Variants in RAD51B observed in about 807,000 individuals in gnomAD.
RAD51B encodes the protein RAD51 paralog B, also known as DNA repair protein RAD51 homolog 2.
RAD51B carries 38 observed loss-of-function variants against 42.2 expected under a neutral mutation model. That is an observed-to-expected ratio of 0.90 (90% CI 0.70 to 1.18). The LOEUF is 1.18. Ranked by LOEUF, RAD51B falls within the 50% of genes most tolerant of loss-of-function variation. RAD51B has a pLI of 0.00. For synonymous variants in RAD51B, 154 were observed against 145.2 expected (o/e 1.06, Z -0.43); for missense variants, 373 against 400.7 (o/e 0.93, Z 0.59).
At chr14:68,596,396 C>T (rs143532970), downstream of RAD51B, among the ~76,000 whole-genome samples, 813 of 152,160 alleles carry the variant, frequency 5.3e-3, 10 homozygotes, top group African/African-American at 0.019. Flanking sequence ...CATCCCTTCT[C>T]GTAAGCCTTT....
At chr14:67,908,814 T>C (rs2043868745) in intron 7 of RAD51B, 1 of 152,200 alleles carries the variant, frequency 6.6e-6, no homozygotes, top group Non-Finnish European at 1.5e-5. Context: ...GATCCTGCCA[T>C]CAAAGAGCAC....
At chr14:68,194,616 A>G (rs1038284252) in intron 7 of RAD51B, among the ~76,000 whole-genome samples, 5 of 152,216 alleles carry the variant, frequency 3.3e-5, no homozygotes, top group Non-Finnish European at 7.3e-5. Context: ...ATAGAGAATT[A>G]TATCTGCCCT....
intron 7 of RAD51B, among the ~76,000 whole-genome samples, chr14:68,191,702 G>A (rs1436442736): frequency 6.6e-6 from 1 of 152,184 alleles, no homozygotes; most frequent in African/African-American, 2.4e-5. Flanking sequence ...GTCTTAGCCT[G>A]TAAATCAAAG....
At chr14:68,165,717 C>G (rs2078734956) in intron 7 of RAD51B, among the ~76,000 whole-genome samples, 1 of 152,120 alleles carries the variant, frequency 6.6e-6, no homozygotes, top group Non-Finnish European at 1.5e-5. Flanking sequence ...AAGTCTCATG[C>G]CAGCTCTTGT....
intron 10 of RAD51B, among the ~76,000 whole-genome samples, chr14:68,583,353 A>T (rs1890300169): frequency 6.6e-6 from 1 of 152,196 alleles, no homozygotes; most frequent in Admixed American, 6.5e-5. Flanking sequence ...GCTGTAAAAT[A>T]AGTTTAGGAA....
intron 7 of RAD51B, among the ~76,000 whole-genome samples, chr14:68,128,892 T>C (rs2140667102): frequency 6.6e-6 from 1 of 152,350 alleles, no homozygotes; most frequent in Non-Finnish European, 1.5e-5. Flanking sequence ...TTCTTTACTC[T>C]GAAAGGTAAT....
In RAD51B at chr14:68,284,862, G is replaced by A. The variant is rs191580752; in HGVS notation, c.757-7022G>A. The stretch of plus-strand genomic sequence containing the variant: ...TTTGTTTTTGTGACGCTCAAACTCC[G>A]TAACAAATATTGGGTATCTCTATAC... On this transcript the variant is annotated intron_variant, in intron 7 of 10. Transcript: ENST00000471583. 2.0e-3 allele frequency among the ~76,000 whole-genome samples: 300 copies of A among 152,038 alleles called. 3 individuals carry two copies. The highest frequency in any genetic ancestry group is 0.017 in the Admixed American group (265 of 15,260).
At chr14:68,616,355 C>T (rs564692349), downstream of RAD51B, among the ~76,000 whole-genome samples, 5 of 152,122 alleles carry the variant, frequency 3.3e-5, no homozygotes, top group African/African-American at 7.2e-5. Context: ...TTCATTATAT[C>T]GCTGGATACA....
At chr14:68,326,808 T>A (rs191097196) in intron 8 of RAD51B, among the ~76,000 whole-genome samples, 147 of 152,320 alleles carry the variant, frequency 9.7e-4, no homozygotes, top group African/African-American at 3.4e-3. Flanking sequence ...CGAGGCTAAT[T>A]ACAGTGGGGC....
chr14:68,010,454 G>A (rs983020921), intron 7 of RAD51B, among the ~76,000 whole-genome samples: 116 of 151,890 alleles, frequency 7.6e-4, no homozygotes, highest in African/African-American at 2.7e-3. Context: ...ACTGATAGTT[G>A]TTTGGGGTCC....
intron 11 of RAD51B, among the ~76,000 whole-genome samples, chr14:68,679,881 C>T (rs758024935): frequency 6.6e-6 from 1 of 152,232 alleles, no homozygotes. Context: ...ATATGCACTT[C>T]TTTCCAGTAG....
chr14:68,615,627 G>A (rs1254378604), downstream of RAD51B, among the ~76,000 whole-genome samples: 1 of 152,228 alleles, frequency 6.6e-6, no homozygotes, highest in Admixed American at 6.5e-5. Context: ...TTACAGGCGT[G>A]AGCCACTGCA....
At chr14:67,872,888 A>G (rs1261516043) in intron 5 of RAD51B, among the ~76,000 whole-genome samples, 3 of 152,154 alleles carry the variant, frequency 2.0e-5, no homozygotes, top group Non-Finnish European at 2.9e-5. Context: ...CTAGCCATAT[A>G]TAGAAAGCTG....
intron 10 of RAD51B, chr14:68,628,324 GA>G (rs2140120671): frequency 1.3e-5 from 2 of 152,312 alleles, no homozygotes; most frequent in South Asian, 4.1e-4. Context: ...CGCGGGATGG[GA>G]AGGGGTTAAC....
intron 7 of RAD51B, among the ~76,000 whole-genome samples, chr14:68,251,891 A>G (rs911245693): frequency 6.6e-5 from 10 of 152,258 alleles, no homozygotes; most frequent in African/African-American, 2.4e-4. Flanking sequence ...ATGACTGAAC[A>G]AAGTTATCAC....
intron 4 of RAD51B, among the ~76,000 whole-genome samples, chr14:67,849,246 G>C (rs1285409799): frequency 6.6e-6 from 1 of 151,958 alleles, no homozygotes; most frequent in African/African-American, 2.4e-5. Context: ...CAAAGACTTT[G>C]TTCATTTTAT....
intron 10 of RAD51B, among the ~76,000 whole-genome samples, chr14:68,619,047 C>T (rs1221114775): frequency 1.3e-5 from 2 of 152,206 alleles, no homozygotes; most frequent in Non-Finnish European, 2.9e-5. Context: ...TTCACACAAG[C>T]AACTCAGCTT....
chr14:68,529,229 C>T (rs954775176), intron 10 of RAD51B, among the ~76,000 whole-genome samples: 3 of 152,234 alleles, frequency 2.0e-5, no homozygotes, highest in Admixed American at 1.3e-4. Flanking sequence ...CAGGATCTCA[C>T]TCTGTCACCC....
intron 7 of RAD51B, among the ~76,000 whole-genome samples, chr14:67,973,138 C>T (rs920639076): frequency 1.3e-5 from 2 of 152,072 alleles, no homozygotes; most frequent in Non-Finnish European, 2.9e-5. Context: ...GAAAGGTACA[C>T]CCTGGTAAAA....
Sources: allele counts gnomAD v4.1 joint callset (sites outside exome capture counted in the v4.1 genomes callset), GRCh38; gene constraint gnomAD v4.1.1; transcripts MANE v1.5; gene names NCBI Gene and HGNC (gene_info 2026-07-23, HGNC 2026-07-21).